The following CNTNAP2 variants were observed in gnomAD, a reference collection of about 807,000 sequenced individuals.
The protein encoded by CNTNAP2 is contactin-associated protein-like 2.
A neutral mutation model predicts 155.2 loss-of-function variants in CNTNAP2; 98 were observed. The observed-to-expected ratio is 0.63, with a 90% confidence interval of 0.54 to 0.75. CNTNAP2 has a LOEUF of 0.75. Among genes scored for constraint, CNTNAP2 ranks in the 30% least tolerant of loss-of-function variants. The probability of loss-of-function intolerance (pLI) is 0.00; values close to 1 mark genes in which losing one functional copy is unlikely to be tolerated. For missense variants in CNTNAP2, 1,727 were observed against 1,688.1 expected (o/e 1.02, Z -0.40); for synonymous variants, 651 against 631.2 (o/e 1.03, Z -0.47).
intron 20 of CNTNAP2, among the ~76,000 whole-genome samples, chr7:148,240,046 G>T (rs537485395): frequency 6.6e-6 from 1 of 152,322 alleles, no homozygotes; most frequent in African/African-American, 2.4e-5. Context: ...TCTGAAGCCT[G>T]ATTTGGATAA....
At chr7:146,811,910 T>A (rs1176233416) in intron 2 of CNTNAP2, among the ~76,000 whole-genome samples, 2 of 152,154 alleles carry the variant, frequency 1.3e-5, no homozygotes, top group Non-Finnish European at 2.9e-5. Flanking sequence ...ATGTGTTGTT[T>A]CCCCTTCTGC....
chr7:147,861,050 G>A (rs759441822), intron 13 of CNTNAP2, among the ~76,000 whole-genome samples: 8 of 152,102 alleles, frequency 5.3e-5, no homozygotes, highest in Non-Finnish European at 1.2e-4. Context: ...TATCACCCCA[G>A]CTGCTTTTCT....
chr7:147,509,366 A>G lies in CNTNAP2; in HGVS notation c.1777+23325A>G, dbSNP rs76165423. The stretch of plus-strand genomic sequence containing the variant: ...CAAAAAACAGGACAGGACTGATGCA[A>G]TAGTTATTCAACAAATGCTTGTCAT... On this transcript the variant is annotated intron_variant, in intron 11 of 23. Transcript: ENST00000361727. Among the ~76,000 whole-genome samples the G allele has an allele frequency of 7.2e-3, 1,098 of 152,348 alleles. 13 individuals are homozygous for G. The highest frequency in any genetic ancestry group is 0.026 in the African/African-American group (1,069 of 41,576).
chr7:146,798,309 T>A (rs1002498368), intron 2 of CNTNAP2, among the ~76,000 whole-genome samples: 1 of 151,950 alleles, frequency 6.6e-6, no homozygotes, highest in Non-Finnish European at 1.5e-5. Context: ...TTTGTGGCAG[T>A]GTCTCAAACA....
chr7:146,708,588 ATTTTTT>A (rs71165029), intron 1 of CNTNAP2, among the ~76,000 whole-genome samples: 3 of 63,972 alleles, frequency 4.7e-5, no homozygotes, highest in African/African-American at 1.6e-4. Flanking sequence ...AAAAAAAGTG[ATTTTTT>A]TTTTTTTTTT....
chr7:146,897,322 A>T (rs543993089), intron 3 of CNTNAP2, among the ~76,000 whole-genome samples: 4 of 152,284 alleles, frequency 2.6e-5, no homozygotes, highest in African/African-American at 9.6e-5. Context: ...ACAATAAGGT[A>T]GGCCATGTTT....
chr7:148,069,297 G>A (rs1803332646), intron 15 of CNTNAP2, among the ~76,000 whole-genome samples: 1 of 152,114 alleles, frequency 6.6e-6, no homozygotes, highest in Admixed American at 6.5e-5. Flanking sequence ...GTATGCAAAT[G>A]CTCCTAAGGC....
At chr7:146,242,364 C>T (rs1799576049) in intron 1 of CNTNAP2, among the ~76,000 whole-genome samples, 1 of 151,998 alleles carries the variant, frequency 6.6e-6, no homozygotes, top group African/African-American at 2.4e-5. Context: ...ATGGTGAAAC[C>T]CCGTCTCTAC....
chr7:146,398,866 A>G (rs1044914955), intron 1 of CNTNAP2, among the ~76,000 whole-genome samples: 3 of 151,912 alleles, frequency 2.0e-5, no homozygotes, highest in African/African-American at 4.8e-5. Flanking sequence ...AATTTTAGAA[A>G]ACCTATTTCT....
intron 1 of CNTNAP2, among the ~76,000 whole-genome samples, chr7:146,641,366 C>T (rs1033405534): frequency 2.6e-5 from 4 of 151,970 alleles, no homozygotes; most frequent in African/African-American, 9.7e-5. Context: ...TAAAAAGAGA[C>T]GAACTTCTTC....
At chr7:146,924,826 T>C (rs1916934) in intron 3 of CNTNAP2, among the ~76,000 whole-genome samples, 56,331 of 151,912 alleles carry the variant, frequency 0.37, 10,978 homozygotes, top group Middle Eastern at 0.43. Flanking sequence ...TTTCAAAGCT[T>C]ATGAATGGAA....
chr7:146,815,914 C>G lies in CNTNAP2; in HGVS notation c.209-23797C>G, dbSNP rs552204405. On this transcript the variant is annotated intron_variant, in intron 2 of 23. Transcript: ENST00000361727. ...CTTAATGATATCCCTCTCTGCTCCC[C>G]CAACCCCACAACGGGCCCTGATGTG... Among the ~76,000 whole-genome samples the G allele has an allele frequency of 1.5e-3, 233 of 152,250 alleles. 1 individual carries two copies. Among genetic ancestry groups the G allele is most frequent in the Non-Finnish European group, 2.7e-3 (184 of 68,028 alleles).
chr7:147,890,121 G>A (rs922133367), intron 13 of CNTNAP2, among the ~76,000 whole-genome samples: 16 of 152,090 alleles, frequency 1.1e-4, no homozygotes, highest in Non-Finnish European at 2.1e-4. Context: ...AGACTGAGGC[G>A]GGCAAATCAC....
chr7:146,443,237 TA>T (rs1224267164), intron 1 of CNTNAP2, among the ~76,000 whole-genome samples: 1 of 148,786 alleles, frequency 6.7e-6, no homozygotes, highest in African/African-American at 2.5e-5. Flanking sequence ...AAATAATAAA[TA>T]AATAAATAAA....
intron 1 of CNTNAP2, among the ~76,000 whole-genome samples, chr7:146,465,226 G>A (rs80178759): frequency 0.021 from 3,137 of 152,158 alleles, 73 homozygotes; most frequent in African/African-American, 0.05. Flanking sequence ...AGGCTATAAA[G>A]GCAACAGTAG....
intron 1 of CNTNAP2, among the ~76,000 whole-genome samples, chr7:146,188,781 C>T (rs935805437): frequency 6.6e-6 from 1 of 152,168 alleles, no homozygotes; most frequent in Non-Finnish European, 1.5e-5. Context: ...GACTAGAGCA[C>T]ACCAAACCAC....
chr7:147,992,763 T>C (rs1801734403), intron 15 of CNTNAP2, among the ~76,000 whole-genome samples: 1 of 152,196 alleles, frequency 6.6e-6, no homozygotes, highest in African/African-American at 2.4e-5. Flanking sequence ...TATGAAAAAG[T>C]CATGTGCCAA....
At chr7:147,491,966 T>G (rs1798617414) in intron 11 of CNTNAP2, among the ~76,000 whole-genome samples, 1 of 152,210 alleles carries the variant, frequency 6.6e-6, no homozygotes, top group Non-Finnish European at 1.5e-5. Context: ...TGTGCCATGT[T>G]AAGATGCCCC....
rs1372088033 is a variant in CNTNAP2, at chr7:147,940,760, A to G, written c.2255+37039A>G. ...TGTTGCCCAGGATGGTTGGTCTAGA[A>G]TTCCTGGGCTCAAGCGATCCTCCCA... On this transcript the variant is annotated intron_variant, in intron 14 of 23. Transcript: ENST00000361727. 2.0e-5 allele frequency among the ~76,000 whole-genome samples: 3 copies of G among 152,220 alleles called. No homozygotes were observed. In the South Asian group the frequency reaches 6.2e-4, roughly 32 times the overall value.
Sources: allele counts gnomAD v4.1 joint callset (sites outside exome capture counted in the v4.1 genomes callset), GRCh38; gene constraint gnomAD v4.1.1; transcripts MANE v1.5; gene names NCBI Gene and HGNC (gene_info 2026-07-23, HGNC 2026-07-21).